The following EFR3A variants were observed in gnomAD, a reference collection of about 807,000 sequenced individuals.
EFR3A encodes the protein EFR3 homolog A.
Under a neutral mutation model 104.4 loss-of-function variants are expected in EFR3A, and 76 were observed. The ratio of observed to expected loss-of-function variants is 0.73; its 90% CI spans 0.60 to 0.88. The LOEUF (loss-of-function observed/expected upper bound fraction) is 0.88. Among genes scored for constraint, EFR3A ranks in the 40% least tolerant of loss-of-function variants. The pLI, the probability that EFR3A is intolerant of heterozygous loss-of-function variation, is 0.00. For synonymous variants in EFR3A, 330 were observed against 330.0 expected, an observed-to-expected ratio of 1.00 and a Z score of 0.00; for missense variants, 985 against 1,012.5, an observed-to-expected ratio of 0.97 and a Z score of 0.37.
At chr8:131,976,407 A>T (rs913869597) in intron 11 of EFR3A, among the ~76,000 whole-genome samples, 1 of 152,142 alleles carries the variant, frequency 6.6e-6, no homozygotes, top group African/African-American at 2.4e-5. Context: ...GTGCATACAC[A>T]TTTAGGGTAA....
At chr8:131,999,745 T>C (rs766256723) in intron 19 of EFR3A, among the ~76,000 whole-genome samples, 83 of 151,722 alleles carry the variant, frequency 5.5e-4, no homozygotes, top group Admixed American at 1.1e-3. Flanking sequence ...GGAGATAAGA[T>C]TGAAGCAAAA....
intron 1 of EFR3A, among the ~76,000 whole-genome samples, chr8:131,921,863 T>C (rs1338523041): frequency 6.6e-6 from 1 of 152,204 alleles, no homozygotes; most frequent in East Asian, 1.9e-4. Context: ...ATGGTACATA[T>C]CTACTAAATA....
chr8:131,907,711 C>T (rs746282091), intron 1 of EFR3A, among the ~76,000 whole-genome samples: 1 of 152,158 alleles, frequency 6.6e-6, no homozygotes, highest in African/African-American at 2.4e-5. Context: ...ACTTGACCTA[C>T]ACTTTCATAT....
intron 17 of EFR3A, 94 bp from the exon 18 acceptor site, chr8:131,987,481 T>A: frequency 7.6e-7 from 1 of 1,314,450 alleles, no homozygotes; most frequent in Non-Finnish European, 1.0e-6. Flanking sequence ...ATATTTAGAA[T>A]ATTGAGGCTT....
Position 131,953,920 on chromosome 8 carries a change from T to G in EFR3A, c.591T>G (p.Ile197Met), listed in dbSNP as rs149106647. The change falls in exon 6 of 23, where the codon ATT (isoleucine) becomes ATG (methionine). Residue 197 changes from isoleucine to methionine, a missense_variant. Coordinates refer to ENST00000254624, the MANE Select transcript of EFR3A (RefSeq NM_015137.6). ...TIWEPQHMDK[I>M]VPSLLFNMQK... ...GGGAACCTCAGCATATGGATAAGAT[T>G]GTTCCATCCCTCCTGTTTAACATGC... 1.2e-3 allele frequency: 1,830 copies of G among 1,572,242 alleles called. 9 individuals are homozygous for G. In the Middle Eastern group the frequency reaches 0.027, roughly 23 times the overall value.
chr8:131,917,908 A>G (rs1816821748), intron 1 of EFR3A, among the ~76,000 whole-genome samples: 1 of 152,184 alleles, frequency 6.6e-6, no homozygotes, highest in African/African-American at 2.4e-5. Flanking sequence ...ATTGATTAGA[A>G]AAGATTTGAT....
At chr8:132,006,097 AG>A (rs1822035077) in intron 22 of EFR3A, among the ~76,000 whole-genome samples, 1 of 152,198 alleles carries the variant, frequency 6.6e-6, no homozygotes, top group Non-Finnish European at 1.5e-5. Context: ...AATCGTGCTC[AG>A]GAGCAATTTT....
At chr8:131,912,381 C>A (rs1379220684) in intron 1 of EFR3A, among the ~76,000 whole-genome samples, 1 of 152,082 alleles carries the variant, frequency 6.6e-6, no homozygotes, top group East Asian at 1.9e-4. Context: ...AGCATTTGTA[C>A]AAATCTGAAA....
chr8:131,992,998 AAGGGTG>A (rs1821275061), intron 18 of EFR3A, among the ~76,000 whole-genome samples: 1 of 152,158 alleles, frequency 6.6e-6, no homozygotes. Flanking sequence ...GTTCTCAGCT[AAGGGTG>A]ACTTTTGCAA....
intron 1 of EFR3A, among the ~76,000 whole-genome samples, chr8:131,911,708 G>A (rs901344662): frequency 1.3e-5 from 2 of 152,262 alleles, no homozygotes; most frequent in African/African-American, 4.8e-5. Flanking sequence ...TTATGCTTAG[G>A]TTCAACAAAG....
chr8:131,967,663 T>C (rs551340697), intron 8 of EFR3A, among the ~76,000 whole-genome samples: 21 of 152,254 alleles, frequency 1.4e-4, no homozygotes, highest in South Asian at 2.1e-4. Flanking sequence ...TCATTCACTA[T>C]GGTTGATCAA....
intron 8 of EFR3A, among the ~76,000 whole-genome samples, chr8:131,964,434 A>T (rs1304231712): frequency 1.3e-5 from 2 of 151,900 alleles, no homozygotes; most frequent in African/African-American, 4.8e-5. Flanking sequence ...AATAACAGAC[A>T]AACAGAGAGC....
rs565007896 is a variant in EFR3A at position 131,921,302 on chromosome 8, T to C, written c.10+16980T>C. ...TTTTATATAGCCATCTATCTGGAGT[T>C]CTGACTGTATGTGTGTCTGTCTCTA... is the stretch of plus-strand genomic sequence containing the variant. On this transcript the variant is annotated intron_variant, in intron 1 of 22. Transcript: ENST00000254624. 2.6e-5 allele frequency among the ~76,000 whole-genome samples: 4 copies of C among 152,280 alleles called. No homozygotes were observed. The East Asian group carries it at 5.8e-4, about 22-fold the overall frequency.
chr8:131,928,580 A>G (rs1307425384), intron 1 of EFR3A, among the ~76,000 whole-genome samples: 2 of 152,124 alleles, frequency 1.3e-5, no homozygotes, highest in Non-Finnish European at 2.9e-5. Flanking sequence ...ATCTTGTTGT[A>G]AACTATGTTA....
chr8:131,982,488 C>T (rs1820665442), intron 14 of EFR3A, among the ~76,000 whole-genome samples: 1 of 151,978 alleles, frequency 6.6e-6, no homozygotes, highest in Admixed American at 6.6e-5. Context: ...CCCATTTCTC[C>T]AAGGCCTGTA....
At chr8:131,941,789 G>C (rs1471369967) in intron 2 of EFR3A, among the ~76,000 whole-genome samples, 1 of 152,088 alleles carries the variant, frequency 6.6e-6, no homozygotes, top group Non-Finnish European at 1.5e-5. Flanking sequence ...ACCATCTGGA[G>C]AGGTAGACAA....
At chr8:131,983,734 T>C (rs1020927797) in intron 14 of EFR3A, among the ~76,000 whole-genome samples, 1 of 152,180 alleles carries the variant, frequency 6.6e-6, no homozygotes, top group African/African-American at 2.4e-5. Context: ...AGAGCCTCAG[T>C]ACATTTCCTC....
At chr8:131,917,862 T>G (rs1816820124) in intron 1 of EFR3A, among the ~76,000 whole-genome samples, 1 of 152,172 alleles carries the variant, frequency 6.6e-6, no homozygotes, top group African/African-American at 2.4e-5. Flanking sequence ...ATTCTTAGGG[T>G]AGCATCAGAT....
intron 1 of EFR3A, among the ~76,000 whole-genome samples, chr8:131,913,256 CTCA>C (rs942325681): frequency 6.6e-6 from 1 of 150,594 alleles, no homozygotes; most frequent in Non-Finnish European, 1.5e-5. Flanking sequence ...TCAAAATTCT[CTCA>C]TCATGTGTAT....
Sources: gnomAD v4.1 joint callset for allele counts (sites outside exome capture counted in the v4.1 genomes callset) on GRCh38, gnomAD v4.1.1 for gene constraint, MANE v1.5 for transcripts, NCBI Gene and HGNC (gene_info 2026-07-23, HGNC 2026-07-21) for gene names.